The following NBEA variants were observed in gnomAD, a reference collection of about 807,000 sequenced individuals.
NBEA encodes lysosomal-trafficking regulator 2.
NBEA carries 44 observed loss-of-function variants against 343.4 expected under a neutral mutation model. The observed-to-expected ratio is 0.13, with a 90% CI of 0.10 to 0.16. The LOEUF is 0.16. Ranked by LOEUF, NBEA falls within the 10% of genes least tolerant of loss-of-function variation. The pLI is 1.00. For missense variants in NBEA, 2,555 were observed against 3,631.3 expected (o/e 0.70, Z 7.62); for synonymous variants, 1,175 against 1,238.7 (o/e 0.95, Z 1.08).
chr13:35,583,766 G>A (rs2081163340), intron 45 of NBEA, 132 bp from the exon 46 acceptor site: 1 of 656,232 alleles, frequency 1.5e-6, no homozygotes. Context: ...GGTTAAAAAT[G>A]TAATACAAAA....
chr13:35,173,872 T>C (rs2070667376), intron 27 of NBEA, among the ~76,000 whole-genome samples: 2 of 152,210 alleles, frequency 1.3e-5, no homozygotes, highest in South Asian at 4.1e-4. Context: ...CTATTTTTAA[T>C]AGTCATATAT....
intron 49 of NBEA, among the ~76,000 whole-genome samples, chr13:35,628,757 A>G (rs1337334540): frequency 2.6e-5 from 4 of 152,080 alleles, no homozygotes; most frequent in Admixed American, 2.6e-4. Flanking sequence ...ATCTCTACAA[A>G]AAATACAAAA....
chr13:35,667,284 G>A (rs1014483971), intron 56 of NBEA, 90 bp from the exon 57 acceptor site: 9 of 1,042,474 alleles, frequency 8.6e-6, no homozygotes, highest in East Asian at 2.4e-5. Context: ...ACATCTGAGC[G>A]CACACCCAGC....
At chr13:35,020,309 A>G (rs898240852) in intron 1 of NBEA, among the ~76,000 whole-genome samples, 2 of 152,012 alleles carry the variant, frequency 1.3e-5, no homozygotes, top group African/African-American at 2.4e-5. Context: ...TCTGATGTAT[A>G]GTTTTATTTA....
intron 38 of NBEA, among the ~76,000 whole-genome samples, chr13:35,363,341 T>A (rs2040918830): frequency 6.6e-6 from 1 of 151,936 alleles, no homozygotes; most frequent in African/African-American, 2.4e-5. Flanking sequence ...TTAGTTTCTA[T>A]ACTAAGGCAA....
intron 41 of NBEA, among the ~76,000 whole-genome samples, chr13:35,520,046 G>A (rs2077636179): frequency 6.6e-6 from 1 of 152,098 alleles, no homozygotes; most frequent in Non-Finnish European, 1.5e-5. Context: ...CCAGGGCATG[G>A]GTGGGGATGG....
At chr13:35,094,649 G>C (rs992356317) in intron 10 of NBEA, among the ~76,000 whole-genome samples, 11 of 151,866 alleles carry the variant, frequency 7.2e-5, no homozygotes, top group African/African-American at 2.4e-4. Context: ...TTAACGTACA[G>C]TGAAATCAAT....
rs563895174 is a variant in NBEA, at chr13:35,189,982, G to A, written c.4928-5882G>A. ...TCTGTGGTAGCTTTGAAAACCAGAG[G>A]CCAGACACCAGTGGTAGTTTTGAAA... is the stretch of plus-strand genomic sequence containing the variant. On this transcript the variant is annotated intron_variant, in intron 30 of 58. Coordinates refer to ENST00000379939, the MANE Select transcript of NBEA (RefSeq NM_001385012.1). 4.6e-5 allele frequency among the ~76,000 whole-genome samples: 7 copies of A among 152,082 alleles called. No homozygotes were observed. In the South Asian group the frequency reaches 1.5e-3, roughly 32 times the overall value.
chr13:35,194,095 A>T (rs2072406155), intron 30 of NBEA, among the ~76,000 whole-genome samples: 1 of 151,982 alleles, frequency 6.6e-6, no homozygotes, highest in Non-Finnish European at 1.5e-5. Context: ...AAGTATTATA[A>T]ATTCACACCC....
intron 38 of NBEA, among the ~76,000 whole-genome samples, chr13:35,384,980 A>T (rs1199978462): frequency 6.6e-6 from 1 of 152,112 alleles, no homozygotes; most frequent in African/African-American, 2.4e-5. Context: ...CTACTTTTTG[A>T]TGTTACCTTT....
chr13:35,198,911 T>C (rs2072819145), intron 31 of NBEA, among the ~76,000 whole-genome samples: 1 of 152,064 alleles, frequency 6.6e-6, no homozygotes, highest in African/African-American at 2.4e-5. Context: ...AGTATTATTT[T>C]TGAAATGCTT....
At chr13:35,558,868 G>C (rs1464144530) in intron 44 of NBEA, among the ~76,000 whole-genome samples, 2 of 152,180 alleles carry the variant, frequency 1.3e-5, no homozygotes, top group Admixed American at 6.5e-5. Flanking sequence ...AGAGAAGTGA[G>C]AGATTAATAT....
intron 38 of NBEA, among the ~76,000 whole-genome samples, chr13:35,393,240 T>C (rs1193385870): frequency 2.0e-5 from 3 of 152,086 alleles, no homozygotes; most frequent in Non-Finnish European, 4.4e-5. Context: ...TCAAAACACA[T>C]TTTAGCACAT....
chr13:35,036,235 A>C (rs1343762216), intron 1 of NBEA, among the ~76,000 whole-genome samples: 1 of 152,092 alleles, frequency 6.6e-6, no homozygotes, highest in African/African-American at 2.4e-5. Flanking sequence ...TAACCTGATA[A>C]CATAACACTA....
chr13:35,133,903 T>C (rs1261345845), intron 17 of NBEA, among the ~76,000 whole-genome samples: 1 of 151,888 alleles, frequency 6.6e-6, no homozygotes, highest in Non-Finnish European at 1.5e-5. Context: ...AGTTGGTTGG[T>C]GGTTACATGA....
At chr13:34,963,231 G>A (rs768434013) in intron 1 of NBEA, among the ~76,000 whole-genome samples, 4 of 151,972 alleles carry the variant, frequency 2.6e-5, no homozygotes, top group Non-Finnish European at 5.9e-5. Context: ...AGTGGCCGCA[G>A]GACTGGTTTC....
At chr13:35,484,597 A>G (rs2076245335) in intron 41 of NBEA, among the ~76,000 whole-genome samples, 1 of 151,970 alleles carries the variant, frequency 6.6e-6, no homozygotes, top group Non-Finnish European at 1.5e-5. Flanking sequence ...AAATAAAAAA[A>G]AAATCTCTTT....
intron 17 of NBEA, among the ~76,000 whole-genome samples, chr13:35,138,498 C>A (rs1274044615): frequency 6.8e-6 from 1 of 147,356 alleles, no homozygotes; most frequent in East Asian, 2.0e-4. Flanking sequence ...TTTGCTCTGT[C>A]GCCCAGCTTG....
At chr13:35,381,166 T>C (rs2041993584) in intron 38 of NBEA, among the ~76,000 whole-genome samples, 1 of 152,210 alleles carries the variant, frequency 6.6e-6, no homozygotes. Flanking sequence ...TTTAAGTACC[T>C]ACCCTCTGGC....
Sources: allele counts gnomAD v4.1 joint callset (sites outside exome capture counted in the v4.1 genomes callset), GRCh38; gene constraint gnomAD v4.1.1; transcripts MANE v1.5; gene names NCBI Gene and HGNC (gene_info 2026-07-23, HGNC 2026-07-21).